The following PTGER2 variants were observed in gnomAD, a reference collection of about 807,000 sequenced individuals.
PTGER2 encodes the protein prostaglandin E2 receptor EP2 subtype.
Under a neutral mutation model 26.2 loss-of-function variants are expected in PTGER2, and 22 were observed. The ratio of observed to expected loss-of-function variants is 0.84; its 90% CI spans 0.60 to 1.20. PTGER2 has a LOEUF of 1.20. PTGER2 is among the 50% of genes most tolerant of loss of function. PTGER2 has a pLI of 0.00. For synonymous variants in PTGER2, 219 were observed against 208.9 expected (o/e 1.05, Z -0.42); for missense variants, 458 against 475.2 (o/e 0.96, Z 0.34).
At chr14:52,316,563 T>C (rs961055070) in intron 1 of PTGER2, among the ~76,000 whole-genome samples, 2 of 152,182 alleles carry the variant, frequency 1.3e-5, no homozygotes, top group Non-Finnish European at 2.9e-5. Flanking sequence ...GTGCCTACTA[T>C]TAACAGGTCT....
intron 1 of PTGER2, among the ~76,000 whole-genome samples, chr14:52,323,778 A>G (rs918358121): frequency 6.6e-6 from 1 of 152,242 alleles, no homozygotes; most frequent in Admixed American, 6.5e-5. Context: ...AAATGTCACA[A>G]CAAGGCTTTA....
intron 1 of PTGER2, among the ~76,000 whole-genome samples, chr14:52,316,214 C>A (rs1293762634): frequency 2.0e-5 from 3 of 152,128 alleles, no homozygotes; most frequent in African/African-American, 7.2e-5. Flanking sequence ...AATGGCTGGT[C>A]CCTCTCAGGA....
rs1566494308 is a variant in PTGER2 at position 52,314,870 on chromosome 14, G to C, written c.322G>C (p.Ala108Pro). Residue 108 changes from alanine (A) to proline (P), a missense_variant, in exon 1 of 2, where the codon GCG becomes CCG. Ala to Pro is a conservative substitution (Grantham distance 27). Coordinates refer to ENST00000245457, the MANE Select transcript of PTGER2 (RefSeq NM_000956.4). This position sits in a 1 kb window ranked among gnomAD's most constrained non-coding sequence, Gnocchi z 5.7. ...TLVALAPESRACTYFAFAMTF... is the reference protein window; with the variant it reads ...TLVALAPESRPCTYFAFAMTF... Reference sequence around the variant, plus strand: ...GGTGGCACTGGCGCCCGAGAGCCGCGCGTGCACCTACTTCGCTTTCGCCAT... The same window carrying C: ...GGTGGCACTGGCGCCCGAGAGCCGCCCGTGCACCTACTTCGCTTTCGCCAT... 1.2e-6 allele frequency: 2 copies of C among 1,613,082 alleles called. No individual in the cohort carries two copies. The highest frequency in any genetic ancestry group is 1.7e-6 in the Non-Finnish European group (2 of 1,179,990).
At chr14:52,321,104 A>G (rs921699704) in intron 1 of PTGER2, among the ~76,000 whole-genome samples, 7 of 152,214 alleles carry the variant, frequency 4.6e-5, no homozygotes, top group Admixed American at 1.3e-4. Context: ...TCTGAGAAGC[A>G]CAAGACAAAG....
In PTGER2 at chr14:52,315,004, G is replaced by C. The variant is rs573271564; in HGVS notation, c.456G>C (p.Gly152=). 45 of 1,613,374 alleles carry C rather than the reference G, an allele frequency of 2.8e-5. No individual in the cohort carries two copies. Among genetic ancestry groups the C allele is most frequent in the Non-Finnish European group, 3.3e-5 (39 of 1,180,032 alleles). The change falls in exon 1 of 2, where the codon GGG becomes GGC. Residue 152 remains glycine (G), a synonymous_variant. Transcript: ENST00000245457. ...YFYQRRVSRS[G]GLAVLPVIYA... is the part of the protein sequence containing the mutation. ...ACCAGCGCCGCGTCTCGCGCTCCGG[G>C]GGCCTGGCCGTGCTGCCTGTCATCT...
chr14:52,314,634 C>T lies in PTGER2; in HGVS notation c.86C>T (p.Ser29Phe). Residue 29 changes from serine (S) to phenylalanine (F), a missense_variant, in exon 1 of 2, where the codon TCC (serine) becomes TTC (phenylalanine). Transcript: ENST00000245457. The surrounding 1 kb of genome is among the most constrained non-coding windows in gnomAD (Gnocchi z 5.7). ...LPPGESPAIS[S>F]VMFSAGVLGN... ...CCAGGCGAAAGCCCAGCCATCAGCT[C>T]CGTCATGTTCTCGGCCGGGGTGCTG... 6.6e-7 allele frequency: 1 copy of T among 1,514,472 alleles called. No individual in the cohort carries two copies. Among genetic ancestry groups the T allele is most frequent in the South Asian group, 1.3e-5 (1 of 75,244 alleles). 93.8% of individuals were successfully genotyped at this position (1,514,472 alleles called of 1,614,324 possible). A position where few individuals can be genotyped will look rare whatever the true frequency, so the allele number is the denominator to read the frequency against.
At chr14:52,322,299 G>A (rs1261600959) in intron 1 of PTGER2, among the ~76,000 whole-genome samples, 3 of 152,020 alleles carry the variant, frequency 2.0e-5, no homozygotes, top group East Asian at 1.9e-4. Context: ...AAGGGGAGGG[G>A]GTGTAAGCAG....
In PTGER2 at chr14:52,322,266, CA is replaced by C. The variant is rs200403853; in HGVS notation, c.844-4954del. On this transcript the variant is annotated intron_variant, in intron 1 of 1. Coordinates refer to ENST00000245457, the MANE Select transcript of PTGER2 (RefSeq NM_000956.4). ...ATGCCCACCTGAGCTGCAAAATCAG[CA>C]CGTTTTTATTAAGGATTTCAAAAGG... is the stretch of plus-strand genomic sequence containing the variant. 6.1e-3 allele frequency among the ~76,000 whole-genome samples: 935 copies of C among 152,210 alleles called. 2 individuals are homozygous for C. Among genetic ancestry groups the C allele is most frequent in the Non-Finnish European group, 8.5e-3 (575 of 68,016 alleles).
chr14:52,315,083 G>A lies in PTGER2; in HGVS notation c.535G>A (p.Val179Ile). 1 of 1,611,102 alleles carries A rather than the reference G, an allele frequency of 6.2e-7. No individual in the cohort carries two copies. The highest frequency in any genetic ancestry group is 8.5e-7 in the Non-Finnish European group (1 of 1,179,856). ...GCCGCTGCTGGACTATGGGCAGTAC[G>A]TCCAGTACTGCCCCGGGACCTGGTG... is the stretch of plus-strand genomic sequence containing the variant. ...SLPLLDYGQY[V>I]QYCPGTWCFI... The change falls in exon 1 of 2, where the codon GTC (valine) becomes ATC (isoleucine). Residue 179 changes from valine to isoleucine, a missense_variant. Transcript: ENST00000245457.
In PTGER2 at chr14:52,314,855, G is replaced by A. The variant is rs1265519374; in HGVS notation, c.307G>A (p.Ala103Thr). 2.5e-6 allele frequency: 4 copies of A among 1,613,094 alleles called. No homozygotes were observed. Among genetic ancestry groups the A allele is most frequent in the Non-Finnish European group, 3.4e-6 (4 of 1,179,984 alleles). Residue 103 changes from alanine to threonine, a missense_variant, in exon 1 of 2, where the codon GCG becomes ACG. By Grantham distance (58) the Ala-to-Thr change is moderately conservative. Transcript: ENST00000245457. The surrounding 1 kb of genome is among the most constrained non-coding windows in gnomAD (Gnocchi z 5.7). ...GCGGAACCAGACCCTGGTGGCACTG[G>A]CGCCCGAGAGCCGCGCGTGCACCTA... The part of the protein sequence containing the change: ...YARNQTLVAL[A>T]PESRACTYFA...
At chr14:52,326,751 A>G (rs1037641450) in intron 1 of PTGER2, among the ~76,000 whole-genome samples, 1 of 152,196 alleles carries the variant, frequency 6.6e-6, no homozygotes, top group African/African-American at 2.4e-5. Flanking sequence ...TCACTTCCCT[A>G]TCTGTTAAAA....
intron 1 of PTGER2, among the ~76,000 whole-genome samples, chr14:52,323,431 T>C (rs182906809): frequency 1.1e-3 from 171 of 152,232 alleles, no homozygotes; most frequent in African/African-American, 3.9e-3. Context: ...TTTTGTATTT[T>C]TTAGTAGAGA....
chr14:52,315,275 G>C lies in PTGER2; in HGVS notation c.727G>C (p.Gly243Arg), dbSNP rs1047061152. The change falls in exon 1 of 2, where the codon GGC (glycine) becomes CGC (arginine). Residue 243 changes from glycine (G) to arginine (R), a missense_variant. Gly to Arg is a moderately radical substitution (Grantham distance 125). Coordinates refer to ENST00000245457, the MANE Select transcript of PTGER2 (RefSeq NM_000956.4). ...CGGACCTTCCCTGGGCAGTGGCCGG[G>C]GCGGCCCCGGGGCCCGCAGGAGAGG... ...RCGPSLGSGR[G>R]GPGARRRGER... is the part of the protein sequence containing the mutation. The C allele has an allele frequency of 2.5e-6, 4 of 1,611,810 alleles. No individual in the cohort carries two copies. The highest frequency in any genetic ancestry group is 3.4e-6 in the Non-Finnish European group (4 of 1,179,412).
intron 1 of PTGER2, among the ~76,000 whole-genome samples, chr14:52,317,318 C>G (rs1337677477): frequency 2.0e-5 from 3 of 152,188 alleles, no homozygotes; most frequent in Non-Finnish European, 4.4e-5. Flanking sequence ...AAAAGTTCTC[C>G]TCTTTGATCA....
chr14:52,314,653 G>A lies in PTGER2; in HGVS notation c.105G>A (p.Gly35=). The A allele has an allele frequency of 6.6e-7, 1 of 1,517,068 alleles. No homozygotes were observed. Among genetic ancestry groups the A allele is most frequent in the Non-Finnish European group, 8.8e-7 (1 of 1,132,280 alleles). The allele number at this position is 1,517,068 out of a possible 1,614,324, so 94.0% of individuals were successfully genotyped here. Residue 35 remains glycine (G), a synonymous_variant, in exon 1 of 2, where the codon GGG becomes GGA. Transcript: ENST00000245457. This position sits in a 1 kb window ranked among gnomAD's most constrained non-coding sequence, Gnocchi z 5.7. ...TCAGCTCCGTCATGTTCTCGGCCGG[G>A]GTGCTGGGGAACCTCATAGCACTGG... ...PAISSVMFSA[G]VLGNLIALAL...
Position 52,327,380 on chromosome 14 carries a change from T to C in PTGER2, c.1003T>C (p.Ser335Pro). 1 of 1,613,918 alleles carries C rather than the reference T, an allele frequency of 6.2e-7. No individual in the cohort carries two copies. The highest frequency in any genetic ancestry group is 1.6e-4 in the Middle Eastern group (1 of 6,062). ...LMRSVLCCRISLRTQDATQTS... is the reference protein window; with the variant it reads ...LMRSVLCCRIPLRTQDATQTS... ...GCGTTCAGTCCTCTGTTGTCGGATT[T>C]CATTAAGAACACAAGATGCAACACA... The change falls in exon 2 of 2, where the codon TCA becomes CCA. Residue 335 changes from serine to proline, a missense_variant. By Grantham distance (74) the Ser-to-Pro change is moderately conservative (BLOSUM62 -1). Transcript: ENST00000245457.
chr14:52,326,393 T>C (rs981608967), intron 1 of PTGER2, among the ~76,000 whole-genome samples: 2 of 152,216 alleles, frequency 1.3e-5, no homozygotes, highest in Non-Finnish European at 2.9e-5. Flanking sequence ...TCTGCATTTG[T>C]AAAATGGATA....
chr14:52,317,997 A>C (rs996603442), intron 1 of PTGER2, among the ~76,000 whole-genome samples: 20 of 152,350 alleles, frequency 1.3e-4, no homozygotes, highest in African/African-American at 4.8e-4. Flanking sequence ...ATGCTGTACT[A>C]TCTTGATTTA....
chr14:52,321,694 C>A (rs2033897322), intron 1 of PTGER2, among the ~76,000 whole-genome samples: 1 of 152,148 alleles, frequency 6.6e-6, no homozygotes, highest in Non-Finnish European at 1.5e-5. Flanking sequence ...TCTTCTAAAC[C>A]TTCATTTCCT....
Sources: gnomAD v4.1 joint callset for allele counts (sites outside exome capture counted in the v4.1 genomes callset) on GRCh38, gnomAD v4.1.1 for gene constraint, Gnocchi (gnomAD v3.1) non-coding constraint, MANE v1.5 for transcripts, NCBI Gene and HGNC (gene_info 2026-07-23, HGNC 2026-07-21) for gene names.